The following PLEKHM3 variants were observed in gnomAD, a reference collection of about 807,000 sequenced individuals.
PLEKHM3 encodes pleckstrin homology domain-containing family M member 3.
Under a neutral mutation model 81.8 loss-of-function variants are expected in PLEKHM3, and 45 were observed. That is an observed-to-expected ratio of 0.55 (90% CI 0.43 to 0.71). The LOEUF (loss-of-function observed/expected upper bound fraction) is 0.71, where lower values mean the gene tolerates loss of function less well. PLEKHM3 is among the 30% of genes least tolerant of loss of function. The pLI is 0.00. For synonymous variants in PLEKHM3, 352 were observed against 356.4 expected (o/e 0.99, Z 0.14); for missense variants, 788 against 924.3 (o/e 0.85, Z 1.91).
At chr2:207,898,246 A>T (rs544090640) in intron 6 of PLEKHM3, among the ~76,000 whole-genome samples, 1 of 152,318 alleles carries the variant, frequency 6.6e-6, no homozygotes, top group Non-Finnish European at 1.5e-5. Flanking sequence ...ACATAAAAAT[A>T]CAGATTTCCG....
chr2:207,931,409 T>C (rs1354784777), intron 4 of PLEKHM3, among the ~76,000 whole-genome samples: 1 of 152,230 alleles, frequency 6.6e-6, no homozygotes, highest in African/African-American at 2.4e-5. Context: ...TACTGACTTA[T>C]TATACCAATG....
chr2:208,009,478 A>C lies in PLEKHM3; in HGVS notation c.-318-7521T>G, dbSNP rs78139051. 6.5e-4 allele frequency among the ~76,000 whole-genome samples: 99 copies of C among 152,300 alleles called. No individual in the cohort carries two copies. In the East Asian group the frequency reaches 0.017, roughly 26 times the overall value. ...TCCTTCTCAAATGACGATGACAATA[A>C]TTACAGGTTATCAAAAGCCTATTTT... On this transcript the variant is annotated intron_variant, in intron 1 of 7. Coordinates refer to ENST00000427836, the MANE Select transcript of PLEKHM3 (RefSeq NM_001080475.3).
At position 207,865,798 on chromosome 2, in the gene PLEKHM3, AAAAAGATATATATAT is replaced by A. The variant is rs1165579106; in HGVS notation, c.1951-4551_1951-4537del. On this transcript the variant is annotated intron_variant, in intron 6 of 7. Transcript: ENST00000427836. Reference sequence around the variant, plus strand: ...CTCCGACTCAAAAAAAAAAAAAAAAAAAAAGATATATATATATATATATATATATATATATATATA... The same window carrying A: ...CTCCGACTCAAAAAAAAAAAAAAAAAATATATATATATATATATATATATA... Among the ~76,000 whole-genome samples, 54 of 44,388 alleles carry A rather than the reference AAAAAGATATATATAT, an allele frequency of 1.2e-3. 1 individual carries two copies. The highest frequency in any genetic ancestry group is 5.2e-3 in the African/African-American group (39 of 7,470). 29.1% of individuals were successfully genotyped at this position (44,388 alleles called of 152,430 possible). A position where few individuals can be genotyped will look rare whatever the true frequency, so the allele number is the denominator to read the frequency against.
chr2:208,016,881 A>T (rs1692940190), intron 1 of PLEKHM3, among the ~76,000 whole-genome samples: 1 of 152,148 alleles, frequency 6.6e-6, no homozygotes, highest in Non-Finnish European at 1.5e-5. Context: ...GTTACTCCGT[A>T]TCCATGGGGG....
At chr2:207,946,225 C>T (rs1690123374) in intron 4 of PLEKHM3, 142 bp downstream of exon 4, 1 of 841,460 alleles carries the variant, frequency 1.2e-6, no homozygotes, top group Non-Finnish European at 1.8e-6. Context: ...ATATAAGAAG[C>T]ATTAGGTAAG....
At chr2:207,894,976 T>G (rs947640508) in intron 6 of PLEKHM3, among the ~76,000 whole-genome samples, 5 of 152,176 alleles carry the variant, frequency 3.3e-5, no homozygotes, top group Admixed American at 1.3e-4. Flanking sequence ...ATAATCCACG[T>G]AGATTTAGGA....
At chr2:207,966,847 A>G (rs925642032) in intron 3 of PLEKHM3, among the ~76,000 whole-genome samples, 1 of 151,898 alleles carries the variant, frequency 6.6e-6, no homozygotes. Context: ...GCCACCCCGC[A>G]CCCAGCCTAG....
rs376188911 is a variant in PLEKHM3 at position 207,862,145 on chromosome 2, T to C, written c.1951-883A>G. ...CTCACTTAACTAATACCCATGGGCT[T>C]CAAAGACTTCAGCATTTCACACGCC... On this transcript the variant is annotated intron_variant, in intron 6 of 7. Transcript: ENST00000427836. 3.7e-4 allele frequency among the ~76,000 whole-genome samples: 56 copies of C among 152,280 alleles called. 1 individual carries two copies. Among genetic ancestry groups the C allele is most frequent in the African/African-American group, 1.3e-3 (55 of 41,558 alleles).
chr2:207,845,223 T>G (rs904592070), intron 7 of PLEKHM3, among the ~76,000 whole-genome samples: 5 of 152,212 alleles, frequency 3.3e-5, no homozygotes, highest in African/African-American at 9.6e-5. Context: ...GGTATTACTA[T>G]CTGTACTCCT....
chr2:207,976,006 T>A lies in PLEKHM3; in HGVS notation c.1546+645A>T, dbSNP rs1691296973. Among the ~76,000 whole-genome samples the A allele has an allele frequency of 6.6e-6, 1 of 151,828 alleles. No individual in the cohort carries two copies. Among genetic ancestry groups the A allele is most frequent in the South Asian group, 2.1e-4 (1 of 4,816 alleles). ...CTTTTACAAAATAAGATTGTTGACC[T>A]CAAACTCCACTTTGCATCTCATCCT... On this transcript the variant is annotated intron_variant, in intron 3 of 7. Coordinates refer to ENST00000427836, the MANE Select transcript of PLEKHM3 (RefSeq NM_001080475.3). The surrounding 1 kb of genome is among the most constrained non-coding windows in gnomAD (Gnocchi z 4.1).
intron 7 of PLEKHM3, among the ~76,000 whole-genome samples, chr2:207,837,563 G>GCA (rs1040456409): frequency 1.3e-5 from 2 of 150,916 alleles, no homozygotes; most frequent in Admixed American, 6.6e-5. Context: ...TCGCACCACT[G>GCA]CACTCCAGCC....
Position 207,931,114 on chromosome 2 carries a change from C to A in PLEKHM3, c.1698G>T (p.Ser566=). 6.2e-7 allele frequency: 1 copy of A among 1,608,866 alleles called. No individual in the cohort carries two copies. The highest frequency in any genetic ancestry group is 1.1e-5 in the South Asian group (1 of 90,682). The change falls in exon 5 of 8, where the codon TCG becomes TCT. Residue 566 remains serine (S), a synonymous_variant. Transcript: ENST00000427836. ...HNWDTSKYKV[S]KQAKEFLEYV... ...ACTCCAGAAACTCCTTGGCCTGCTT[C>A]GACACCTACAAAACAAGCGTCGTCA...
At chr2:207,944,106 G>A (rs1690040986) in intron 4 of PLEKHM3, among the ~76,000 whole-genome samples, 1 of 152,062 alleles carries the variant, frequency 6.6e-6, no homozygotes, top group African/African-American at 2.4e-5. Flanking sequence ...ACAAGAAAGT[G>A]GGAAACAAAA....
chr2:207,907,034 A>AATT (rs1688633654), intron 6 of PLEKHM3, among the ~76,000 whole-genome samples: 1 of 152,250 alleles, frequency 6.6e-6, no homozygotes, highest in African/African-American at 2.4e-5. Flanking sequence ...AAGTTGTCAC[A>AATT]ATTATTATTA....
chr2:207,865,795 AAAAAAAAG>A (rs1247918551), intron 6 of PLEKHM3, among the ~76,000 whole-genome samples: 14 of 37,664 alleles, frequency 3.7e-4, no homozygotes, highest in African/African-American at 1.9e-3. Flanking sequence ...AAAAAAAAAA[AAAAAAAAG>A]ATATATATAT....
At chr2:207,858,116 T>C (rs1028514107) in intron 7 of PLEKHM3, among the ~76,000 whole-genome samples, 1 of 151,182 alleles carries the variant, frequency 6.6e-6, no homozygotes, top group Non-Finnish European at 1.5e-5. Context: ...TTTCCAAATA[T>C]TTTGGGGTTT....
intron 2 of PLEKHM3, among the ~76,000 whole-genome samples, chr2:208,000,002 T>C (rs1411314157): frequency 6.6e-6 from 1 of 152,142 alleles, no homozygotes; most frequent in Non-Finnish European, 1.5e-5. Flanking sequence ...TCATTAGCAA[T>C]AAAAATTGAT....
At chr2:207,847,550 C>T (rs1411651901) in intron 7 of PLEKHM3, among the ~76,000 whole-genome samples, 1 of 152,186 alleles carries the variant, frequency 6.6e-6, no homozygotes, top group East Asian at 1.9e-4. Flanking sequence ...TTTCCCACCC[C>T]CAAAATGTCT....
At chr2:207,904,545 CAG>C (rs960759765) in intron 6 of PLEKHM3, among the ~76,000 whole-genome samples, 7 of 152,214 alleles carry the variant, frequency 4.6e-5, no homozygotes, top group African/African-American at 1.4e-4. Context: ...GTCAAACAAA[CAG>C]ACAATTAGGG....
Sources: allele counts gnomAD v4.1 joint callset (sites outside exome capture counted in the v4.1 genomes callset), GRCh38; gene constraint gnomAD v4.1.1; non-coding constraint Gnocchi (gnomAD v3.1); transcripts MANE v1.5; gene names NCBI Gene and HGNC (gene_info 2026-07-23, HGNC 2026-07-21).